Variants in PRDM1 observed in about 807,000 individuals in gnomAD.
PRDM1 encodes PR domain zinc finger protein 1.
PRDM1 carries 13 observed loss-of-function variants against 62.8 expected under a neutral mutation model. The observed-to-expected ratio is 0.21, with a 90% CI of 0.13 to 0.33. The LOEUF is 0.33. Ranked by LOEUF, PRDM1 falls within the 10% of genes least tolerant of loss-of-function variation. The pLI, the probability that PRDM1 is intolerant of heterozygous loss-of-function variation, is 1.00. For missense variants in PRDM1, 895 were observed against 1,058.8 expected, an observed-to-expected ratio of 0.85 and a Z score of 2.15; for synonymous variants, 396 against 417.6, an observed-to-expected ratio of 0.95 and a Z score of 0.63.
At chr6:106,086,637 C>A in intron 1 of PRDM1, 42 bp downstream of exon 1, 2 of 1,492,816 alleles carry the variant, frequency 1.3e-6, no homozygotes, top group Non-Finnish European at 1.8e-6. Flanking sequence ...TGAAATTGAT[C>A]TGAAAACTTT....
At chr6:106,105,985 T>A (rs1774474499) in intron 5 of PRDM1, 52 bp downstream of exon 5, 2 of 1,556,534 alleles carry the variant, frequency 1.3e-6, no homozygotes, top group South Asian at 2.4e-5. Context: ...TGCTTGTGTT[T>A]GTATTTAGCT....
intron 1 of PRDM1, among the ~76,000 whole-genome samples, chr6:106,025,262 G>A (rs555904645): frequency 2.6e-5 from 4 of 152,308 alleles, no homozygotes; most frequent in African/African-American, 9.6e-5. Flanking sequence ...TTGTTCTTGT[G>A]TAATTTAGGT....
intron 4 of PRDM1, chr6:106,100,357 T>C (rs761406016): frequency 6.6e-6 from 1 of 152,258 alleles, no homozygotes; most frequent in Non-Finnish European, 1.5e-5. Flanking sequence ...TTAAAAATTA[T>C]TCCTTTTGGT....
At chr6:106,008,953 T>C (rs6913187) in intron 1 of PRDM1, among the ~76,000 whole-genome samples, 138,578 of 152,206 alleles carry the variant, frequency 0.91, 63,206 homozygotes, top group African/African-American at 0.96. Context: ...ACTATAGTCT[T>C]CCCGCAGCGG....
At chr6:106,087,980 C>CT (rs34001545) in intron 1 of PRDM1, 10,685 of 141,270 alleles carry the variant, frequency 0.076, 570 homozygotes, top group East Asian at 0.12. Flanking sequence ...TTGCCACATT[C>CT]TTTTTTTTTT....
Position 106,099,393 on chromosome 6 carries a change from C to G in PRDM1, c.505C>G (p.Arg169Gly), listed in dbSNP as rs144324355. The change falls in exon 4 of 7, where the codon CGG (arginine) becomes GGG (glycine). Residue 169 changes from arginine (R) to glycine (G), a missense_variant. Transcript: ENST00000369096. ...MRYVNPAHSP[R>G]EQNLAACQNG... ...CTATGTGAATCCAGCACACTCTCCCCGGGAGCAAAACCTGGCTGCGTGTCA... is the reference window on the plus strand; with the variant it reads ...CTATGTGAATCCAGCACACTCTCCCGGGGAGCAAAACCTGGCTGCGTGTCA... 6 of 1,614,070 alleles carry G rather than the reference C, an allele frequency of 3.7e-6. No individual in the cohort carries two copies. The Admixed American group carries it at 5.0e-5, about 13-fold the overall frequency.
chr6:106,041,645 A>G (rs1772999692), intron 1 of PRDM1, among the ~76,000 whole-genome samples: 1 of 152,104 alleles, frequency 6.6e-6, no homozygotes, highest in Non-Finnish European at 1.5e-5. Context: ...ATGAATCTAC[A>G]TGTGTTAAAA....
chr6:106,060,918 G>T (rs1773335153), intron 1 of PRDM1, among the ~76,000 whole-genome samples: 1 of 152,062 alleles, frequency 6.6e-6, no homozygotes, highest in African/African-American at 2.4e-5. Flanking sequence ...GTCATCAAGG[G>T]GGATAGACCA....
chr6:106,103,398 C>T (rs764481868), intron 4 of PRDM1, among the ~76,000 whole-genome samples: 6 of 152,052 alleles, frequency 3.9e-5, no homozygotes, highest in Non-Finnish European at 7.4e-5. Context: ...ATTTTTTAGA[C>T]GATGAAGGAT....
At chr6:106,064,573 C>T (rs1773398371) in intron 1 of PRDM1, among the ~76,000 whole-genome samples, 1 of 152,160 alleles carries the variant, frequency 6.6e-6, no homozygotes, top group Non-Finnish European at 1.5e-5. Context: ...GGGCGTGCGG[C>T]CCAGCCTCAA....
intron 2 of PRDM1, among the ~76,000 whole-genome samples, chr6:106,094,921 A>ACT (rs1774055289): frequency 6.6e-6 from 1 of 151,832 alleles, no homozygotes; most frequent in African/African-American, 2.4e-5. Context: ...ACACACACAC[A>ACT]CACACACACA....
intron 1 of PRDM1, among the ~76,000 whole-genome samples, chr6:106,053,252 G>T (rs1350548353): frequency 6.6e-6 from 1 of 152,038 alleles, no homozygotes; most frequent in African/African-American, 2.4e-5. Context: ...CCCCAAAGAA[G>T]AAAAAGCCTT....
At chr6:106,055,642 G>A (rs1314937993) in intron 1 of PRDM1, among the ~76,000 whole-genome samples, 1 of 152,158 alleles carries the variant, frequency 6.6e-6, no homozygotes, top group Non-Finnish European at 1.5e-5. Flanking sequence ...GTTGAGTGTT[G>A]CAAGAGTTTG....
Position 106,095,667 on chromosome 6 carries a change from C to T in PRDM1, c.344C>T (p.Pro115Leu). 1 of 1,613,652 alleles carries T rather than the reference C, an allele frequency of 6.2e-7. No homozygotes were observed. Reference sequence around the variant, plus strand: ...ATACCAAAGGGCACACGTTTTGGACCCCTAATAGGTGAAATCTACACCAAT... The same window carrying T: ...ATACCAAAGGGCACACGTTTTGGACTCCTAATAGGTGAAATCTACACCAAT... Reference protein sequence around the residue: ...EYIPKGTRFGPLIGEIYTNDT... With the variant: ...EYIPKGTRFGLLIGEIYTNDT... The change falls in exon 3 of 7, where the codon CCC (proline) becomes CTC (leucine). Residue 115 changes from proline to leucine, a missense_variant. Pro to Leu is a moderately conservative substitution (Grantham distance 98). This residue lies in a region of PRDM1 where 213 missense variants were observed against 283.9 expected (regional missense o/e 0.75). Coordinates refer to ENST00000369096, the MANE Select transcript of PRDM1 (RefSeq NM_001198.4).
At position 106,105,074 on chromosome 6, in the gene PRDM1, T is replaced by C; in HGVS notation, c.914T>C (p.Leu305Pro). The C allele has an allele frequency of 1.9e-6, 3 of 1,614,154 alleles. No individual in the cohort carries two copies. Among genetic ancestry groups the C allele is most frequent in the Non-Finnish European group, 2.5e-6 (3 of 1,180,028 alleles). Reference protein sequence around the residue: ...PRVVYPIRAPLPEDFLKASLA... With the variant: ...PRVVYPIRAPPPEDFLKASLA... ...GTCGTTTACCCCATCCGGGCCCCTC[T>C]GCCAGAAGACTTTTTGAAAGCTTCC... Residue 305 changes from leucine to proline, a missense_variant, in exon 5 of 7, where the codon CTG becomes CCG. This residue lies in a region of PRDM1 where 444 missense variants were observed against 422.7 expected (regional missense o/e 1.05). Coordinates refer to ENST00000369096, the MANE Select transcript of PRDM1 (RefSeq NM_001198.4).
intron 4 of PRDM1, 87 bp from the exon 5 acceptor site, chr6:106,104,738 T>A: frequency 6.9e-7 from 1 of 1,453,048 alleles, no homozygotes; most frequent in Non-Finnish European, 9.3e-7. Context: ...GTTACTCAGG[T>A]TTTCTCAAGA....
intron 1 of PRDM1, among the ~76,000 whole-genome samples, chr6:106,027,995 A>G (rs1582430964): frequency 6.6e-6 from 1 of 152,302 alleles, no homozygotes; most frequent in African/African-American, 2.4e-5. Context: ...CAGCACCAAT[A>G]GAGTTGAGAC....
At chr6:106,068,843 T>A (rs1457881201) in intron 1 of PRDM1, among the ~76,000 whole-genome samples, 1 of 152,216 alleles carries the variant, frequency 6.6e-6, no homozygotes, top group Non-Finnish European at 1.5e-5. Context: ...GCAACTTTTT[T>A]AGGAATTTGG....
At chr6:106,076,148 G>T (rs1039694249) in intron 1 of PRDM1, among the ~76,000 whole-genome samples, 6 of 151,988 alleles carry the variant, frequency 3.9e-5, no homozygotes, top group Middle Eastern at 3.4e-3. Flanking sequence ...ATGGGGTTTT[G>T]CCATGTTGCC....
Sources: gnomAD v4.1 joint callset for allele counts (sites outside exome capture counted in the v4.1 genomes callset) on GRCh38, gnomAD v4.1.1 for gene constraint, gnomAD v4.1.1 regional missense constraint, MANE v1.5 for transcripts, NCBI Gene and HGNC (gene_info 2026-07-23, HGNC 2026-07-21) for gene names.